The following COL24A1 variants were observed in gnomAD, a reference collection of about 807,000 sequenced individuals.
COL24A1 encodes collagen type XXIV alpha 1 chain, also known as collagen alpha-1(XXIV) chain.
COL24A1 carries 224 observed loss-of-function variants against 253.9 expected under a neutral mutation model. The ratio of observed to expected loss-of-function variants is 0.88; its 90% CI spans 0.79 to 0.99. COL24A1 has a LOEUF of 0.99. COL24A1 is among the 50% of genes least tolerant of loss of function. COL24A1 has a pLI of 0.00. For missense variants in COL24A1, 2,131 were observed against 2,068.5 expected (o/e 1.03, Z -0.59); for synonymous variants, 685 against 673.7 (o/e 1.02, Z -0.26).
rs752592028 is a variant in COL24A1 at position 86,146,104 on chromosome 1, A to C, written c.121+15T>G. ...TTTTTAAGTAAGCAAATAAATTAAA[A>C]GGTAATTTTCTTACCTTGTTCTTGT... On this transcript the variant is annotated intron_variant, in intron 2 of 59. Coordinates refer to ENST00000370571, the MANE Select transcript of COL24A1 (RefSeq NM_152890.7). The C allele has an allele frequency of 6.3e-7, 1 of 1,598,930 alleles. No individual in the cohort carries two copies.
intron 19 of COL24A1, among the ~76,000 whole-genome samples, chr1:85,988,294 GT>G (rs1693918275): frequency 6.6e-6 from 1 of 151,820 alleles, no homozygotes; most frequent in African/African-American, 2.4e-5. Flanking sequence ...TTTGACCTGT[GT>G]TTACTTTAAA....
At chr1:86,114,222 G>A (rs1324325698) in intron 4 of COL24A1, among the ~76,000 whole-genome samples, 1 of 152,082 alleles carries the variant, frequency 6.6e-6, no homozygotes, top group Non-Finnish European at 1.5e-5. Context: ...CTAGCCTTGA[G>A]CAAAACACTC....
chr1:86,068,538 T>C (rs1701652303), intron 7 of COL24A1, among the ~76,000 whole-genome samples: 1 of 152,144 alleles, frequency 6.6e-6, no homozygotes, highest in African/African-American at 2.4e-5. Context: ...TCAAAGGCTG[T>C]CTAGGACACG....
intron 12 of COL24A1, among the ~76,000 whole-genome samples, chr1:86,045,413 G>A (rs1699822383): frequency 6.6e-6 from 1 of 152,086 alleles, no homozygotes; most frequent in Non-Finnish European, 1.5e-5. Flanking sequence ...GGAGAAGGGT[G>A]AAAATTTGAA....
chr1:85,826,832 C>G (rs1294974582), intron 43 of COL24A1, among the ~76,000 whole-genome samples: 4 of 152,110 alleles, frequency 2.6e-5, no homozygotes, highest in African/African-American at 7.2e-5. Context: ...TGGGCTGAGA[C>G]AATGGAGTTT....
intron 19 of COL24A1, among the ~76,000 whole-genome samples, chr1:86,006,669 T>G (rs764033984): frequency 5.9e-5 from 9 of 152,058 alleles, no homozygotes; most frequent in Non-Finnish European, 1.0e-4. Context: ...ACTTCTGCCC[T>G]GCAGAAAACA....
chr1:85,842,540 C>G (rs376407926), intron 39 of COL24A1, 147 bp from the exon 40 acceptor site: 4 of 577,532 alleles, frequency 6.9e-6, no homozygotes, highest in Admixed American at 3.7e-5. Context: ...CAAAAAATAA[C>G]CCCCCAACTT....
At position 86,022,241 on chromosome 1, in the gene COL24A1, G is replaced by A. The variant is rs371662746; in HGVS notation, c.2255C>T (p.Ser752Leu). Residue 752 changes from serine (S) to leucine (L), a missense_variant and splice_region_variant, in exon 18 of 60, where the codon TCA becomes TTA. Coordinates refer to ENST00000370571, the MANE Select transcript of COL24A1 (RefSeq NM_152890.7). ...PPGMRGKSGPSGQTGDPGLQG... is the reference protein window; with the variant it reads ...PPGMRGKSGPLGQTGDPGLQG... ...AGCAAAGCAAAAGTTCAAACCTACTGAAGGCCCTGACTTTCCTCTCATCCC... is the reference window on the plus strand; with the variant it reads ...AGCAAAGCAAAAGTTCAAACCTACTAAAGGCCCTGACTTTCCTCTCATCCC... The A allele has an allele frequency of 2.9e-5, 46 of 1,612,612 alleles. No homozygotes were observed. The African/African-American group carries it at 5.2e-4, about 18-fold the overall frequency.
intron 1 of COL24A1, among the ~76,000 whole-genome samples, chr1:86,153,913 A>G (rs558642949): frequency 1.3e-5 from 2 of 152,330 alleles, no homozygotes; most frequent in East Asian, 3.9e-4. Flanking sequence ...AATTCACGTT[A>G]GGCAACCCAT....
At chr1:85,977,284 A>T (rs546788110) in intron 20 of COL24A1, among the ~76,000 whole-genome samples, 1 of 152,322 alleles carries the variant, frequency 6.6e-6, no homozygotes, top group Admixed American at 6.5e-5. Flanking sequence ...GAACCAGAAA[A>T]GTAATTCTGG....
chr1:85,992,649 A>G (rs576405671), intron 19 of COL24A1, among the ~76,000 whole-genome samples: 1 of 152,322 alleles, frequency 6.6e-6, no homozygotes, highest in East Asian at 1.9e-4. Context: ...TCTAAAAACT[A>G]CATTAGCATG....
At chr1:86,002,691 A>G (rs1695547683) in intron 19 of COL24A1, among the ~76,000 whole-genome samples, 1 of 152,168 alleles carries the variant, frequency 6.6e-6, no homozygotes, top group African/African-American at 2.4e-5. Flanking sequence ...GAATTTGGCA[A>G]GACACATGCA....
chr1:85,980,344 A>C (rs984902021), intron 20 of COL24A1, among the ~76,000 whole-genome samples: 1 of 152,234 alleles, frequency 6.6e-6, no homozygotes. Flanking sequence ...CAGAGCAATC[A>C]GACAAGAGAA....
At chr1:85,871,301 T>G (rs12127479) in intron 35 of COL24A1, among the ~76,000 whole-genome samples, 60,996 of 151,978 alleles carry the variant, frequency 0.4, 12,898 homozygotes, top group South Asian at 0.59. Context: ...CTTCTGAAAC[T>G]ATTCCAATCA....
intron 24 of COL24A1, among the ~76,000 whole-genome samples, chr1:85,941,335 C>G (rs56301284): frequency 0.12 from 17,578 of 151,986 alleles, 1,370 homozygotes; most frequent in Non-Finnish European, 0.17. Context: ...TCAATATTCC[C>G]TTCCCCTCAA....
intron 12 of COL24A1, among the ~76,000 whole-genome samples, chr1:86,037,757 G>A (rs888399080): frequency 1.3e-5 from 2 of 151,930 alleles, no homozygotes; most frequent in Admixed American, 6.6e-5. Flanking sequence ...TAAGTTTGTG[G>A]TATTTGTTAT....
intron 43 of COL24A1, among the ~76,000 whole-genome samples, chr1:85,825,951 G>T (rs1436506242): frequency 2.3e-5 from 2 of 85,464 alleles, no homozygotes; most frequent in African/African-American, 7.8e-5. Flanking sequence ...TGTCAATTTT[G>T]GCTTTTGTTG....
chr1:86,048,383 A>G (rs1270238470), intron 11 of COL24A1, among the ~76,000 whole-genome samples: 1 of 152,156 alleles, frequency 6.6e-6, no homozygotes, highest in Non-Finnish European at 1.5e-5. Flanking sequence ...TACATCATTC[A>G]CAGTTTTAAT....
In COL24A1 at chr1:85,784,297, G is replaced by C. The variant is rs531443143; in HGVS notation, c.4129C>G (p.Gln1377Glu). 1.1e-5 allele frequency: 18 copies of C among 1,614,068 alleles called. No homozygotes were observed. In the Admixed American group the frequency reaches 1.5e-4, roughly 13 times the overall value. ...AGGCCAGGGTCTCCACATGGTCCTT[G>C]ATCACCTTGTGCTCCTCGGTGACCT... The part of the protein sequence containing the change: ...KRGHRGAQGD[Q>E]GPCGDPGLKG... Residue 1377 changes from glutamine to glutamate, a missense_variant, in exon 49 of 60, where the codon CAA becomes GAA. Gln to Glu is a conservative substitution (Grantham distance 29). Transcript: ENST00000370571.
Sources: gnomAD v4.1 joint callset for allele counts (sites outside exome capture counted in the v4.1 genomes callset) on GRCh38, gnomAD v4.1.1 for gene constraint, MANE v1.5 for transcripts, NCBI Gene and HGNC (gene_info 2026-07-23, HGNC 2026-07-21) for gene names.